Variants in NECAP2 observed in about 807,000 individuals in gnomAD.
NECAP2 encodes the protein NECAP endocytosis associated 2, also known as adaptin ear-binding coat-associated protein 2.
Under a neutral mutation model 37.8 loss-of-function variants are expected in NECAP2, and 38 were observed. The ratio of observed to expected loss-of-function variants is 1.01; its 90% CI spans 0.78 to 1.32. The LOEUF (loss-of-function observed/expected upper bound fraction) is 1.32, where lower values mean the gene tolerates loss of function less well. Ranked by LOEUF, NECAP2 falls within the 40% of genes most tolerant of loss-of-function variation. The probability of loss-of-function intolerance (pLI) is 0.00; values close to 1 mark genes in which losing one functional copy is unlikely to be tolerated. For synonymous variants in NECAP2, 121 were observed against 127.7 expected, an observed-to-expected ratio of 0.95 and a Z score of 0.35; for missense variants, 316 against 334.5, an observed-to-expected ratio of 0.94 and a Z score of 0.43.
At position 16,448,065 on chromosome 1, in the gene NECAP2, CG is replaced by C. The variant is rs1268927117; in HGVS notation, c.307del (p.Ala103ArgfsTer27). The C allele has an allele frequency of 6.2e-7, 1 of 1,614,022 alleles. No homozygotes were observed. The highest frequency in any genetic ancestry group is 8.5e-7 in the Non-Finnish European group (1 of 1,180,022). ...GATCATGTGTTGTTCCCCAGGGCGA[CG>C]GGCGTTTATTGGAATTGGCTTCGGG... ...VIRIEDGNGR[R>X]AFIGIGFGDR... On this transcript the variant is annotated frameshift_variant, in exon 4 of 8. Transcript: ENST00000337132. LOFTEE classifies it high-confidence loss of function.
At chr1:16,452,774 C>G (rs1345546533) in intron 6 of NECAP2, among the ~76,000 whole-genome samples, 1 of 152,034 alleles carries the variant, frequency 6.6e-6, no homozygotes, top group African/African-American at 2.4e-5. Flanking sequence ...CGCGCCCCCC[C>G]CGCCCGCCGC....
chr1:16,457,716 T>TG (rs1220308991), intron 7 of NECAP2, among the ~76,000 whole-genome samples: 1 of 149,386 alleles, frequency 6.7e-6, no homozygotes, highest in Admixed American at 6.6e-5. Flanking sequence ...TGTTTTTTTT[T>TG]TTTTTTTTTT....
At chr1:16,443,757 A>G (rs775419169) in intron 2 of NECAP2, 25 bp downstream of exon 2, 4 of 1,572,582 alleles carry the variant, frequency 2.5e-6, no homozygotes, top group South Asian at 1.1e-5. Flanking sequence ...GGCTGCATCA[A>G]GCTGAGGGGC....
chr1:16,448,959 T>G, intron 4 of NECAP2, 134 bp from the exon 5 acceptor site: 2 of 624,494 alleles, frequency 3.2e-6, no homozygotes, highest in Non-Finnish European at 5.7e-6. Flanking sequence ...CTCCCAAGCC[T>G]GCACTCTTTC....
chr1:16,446,200 C>T (rs747626566), intron 2 of NECAP2, among the ~76,000 whole-genome samples: 4 of 152,192 alleles, frequency 2.6e-5, no homozygotes, highest in Admixed American at 6.5e-5. Context: ...AAGAGTGAAA[C>T]TCCGTCTTGG....
chr1:16,452,095 C>A, intron 6 of NECAP2, 80 bp downstream of exon 6: 1 of 1,378,480 alleles, frequency 7.3e-7, no homozygotes, highest in South Asian at 1.4e-5. Flanking sequence ...ATGGTTTCCC[C>A]CCCGTTACAC....
intron 7 of NECAP2, among the ~76,000 whole-genome samples, chr1:16,457,274 G>T (rs2086934842): frequency 6.6e-6 from 1 of 152,078 alleles, no homozygotes; most frequent in African/African-American, 2.4e-5. Flanking sequence ...TGGCCAACAT[G>T]GTCAAACCCC....
intron 5 of NECAP2, chr1:16,449,692 CTG>C (rs2086813262): frequency 5.8e-6 from 1 of 173,432 alleles, no homozygotes; most frequent in Non-Finnish European, 1.2e-5. Flanking sequence ...TCATCCCAGG[CTG>C]TGTCTTGAAT....
At chr1:16,446,168 G>A (rs368595031) in intron 2 of NECAP2, among the ~76,000 whole-genome samples, 4 of 152,156 alleles carry the variant, frequency 2.6e-5, no homozygotes, top group African/African-American at 9.7e-5. Flanking sequence ...AGATCGTGCC[G>A]TTGCACTTCA....
rs990054654 is a variant in NECAP2, at chr1:16,460,061, A to G, written c.*1171A>G. 3 of 152,204 alleles carry G rather than the reference A, an allele frequency of 2.0e-5. No individual in the cohort carries two copies. Among genetic ancestry groups the G allele is most frequent in the Non-Finnish European group, 2.9e-5 (2 of 68,036 alleles). The allele number at this position is 152,204 out of a possible 1,614,324, so 9.4% of individuals were successfully genotyped here. On this transcript the variant is annotated 3_prime_UTR_variant, in exon 8 of 8. Coordinates refer to ENST00000337132, the MANE Select transcript of NECAP2 (RefSeq NM_018090.5). The stretch of plus-strand genomic sequence containing the variant: ...GGACCAGATTTTTAAGATAAAATAA[A>G]TATTTTTACTTCTGTCATTGTATGT...
At chr1:16,446,123 G>A (rs564807035) in intron 2 of NECAP2, among the ~76,000 whole-genome samples, 1 of 152,074 alleles carries the variant, frequency 6.6e-6, no homozygotes, top group African/African-American at 2.4e-5. Context: ...CAGGAGAATC[G>A]CTTGAACCTG....
rs1275872447 is a variant in NECAP2 at position 16,441,979 on chromosome 1, C to CT, written c.92+1142dup. Among the ~76,000 whole-genome samples the CT allele has an allele frequency of 4.2e-3, 577 of 136,524 alleles. 2 individuals are homozygous for CT. The highest frequency in any genetic ancestry group is 8.7e-3 in the East Asian group (42 of 4,806). The allele number at this position is 136,524 out of a possible 152,430, so 89.6% of individuals were successfully genotyped here. Reference sequence around the variant, plus strand: ...CGTCTAGCCCCATCTCCTGTTGGGTCTTTTTTTTTTTTTTTTGAGACAGAG... The same window carrying CT: ...CGTCTAGCCCCATCTCCTGTTGGGTCTTTTTTTTTTTTTTTTTGAGACAGAG... On this transcript the variant is annotated intron_variant, in intron 1 of 7. Transcript: ENST00000337132.
rs181647206 is a variant in NECAP2, at chr1:16,451,880, C to T, written c.532C>T (p.Arg178Trp). ...KEGAAGNPRV[R>W]PASTGGLSLL... ...AGGAGCAGCTGGGAATCCCCGAGTC[C>T]GGCCTGCCAGCACAGGAGGGCTGAG... Residue 178 changes from arginine (R) to tryptophan (W), a missense_variant, in exon 6 of 8, where the codon CGG becomes TGG. This residue lies in a region of NECAP2 where 204 missense variants were observed against 188.6 expected (regional missense o/e 1.08). Transcript: ENST00000337132. 3.1e-5 allele frequency: 50 copies of T among 1,614,080 alleles called. No individual in the cohort carries two copies. Among genetic ancestry groups the T allele is most frequent in the East Asian group, 2.2e-4 (10 of 44,862 alleles).
intron 4 of NECAP2, chr1:16,448,455 A>C: frequency 2.6e-6 from 1 of 383,792 alleles, no homozygotes; most frequent in Non-Finnish European, 4.8e-6. Context: ...CATGTAATCA[A>C]TGGCGCTTGG....
chr1:16,458,659 T>TAA (rs77249943), intron 7 of NECAP2, among the ~76,000 whole-genome samples, 183 bp from the exon 8 acceptor site: 1 of 145,092 alleles, frequency 6.9e-6, no homozygotes, highest in Non-Finnish European at 1.5e-5. Flanking sequence ...ATTAACTATT[T>TAA]AAAAAAAAAA....
At chr1:16,457,317 G>A (rs1452400180) in intron 7 of NECAP2, among the ~76,000 whole-genome samples, 2 of 152,068 alleles carry the variant, frequency 1.3e-5, no homozygotes, top group Non-Finnish European at 2.9e-5. Flanking sequence ...TTAGTTGGGC[G>A]TGGTGGGGTG....
Position 16,455,850 on chromosome 1 carries a change from C to T in NECAP2, c.700C>T (p.Pro234Ser), listed in dbSNP as rs1344116779. The T allele has an allele frequency of 3.1e-6, 5 of 1,614,136 alleles. No homozygotes were observed. Among genetic ancestry groups the T allele is most frequent in the Admixed American group, 3.3e-5 (2 of 60,026 alleles). ...GAPVPWPQPN[P>S]ATADIWGDFT... ...TCCTGTACCCTGGCCACAGCCCAATCCTGCCACTGCTGACATCTGGGGAGA... is the reference window on the plus strand; with the variant it reads ...TCCTGTACCCTGGCCACAGCCCAATTCTGCCACTGCTGACATCTGGGGAGA... Residue 234 changes from proline to serine, a missense_variant, in exon 7 of 8, where the codon CCT (proline) becomes TCT (serine). Physicochemically the swap from Pro to Ser is moderately conservative, Grantham distance 74 (BLOSUM62 -1). Around this residue, in one of 3 missense-constraint regions of NECAP2, gnomAD observed 204 missense variants for 188.6 expected, o/e 1.08. Coordinates refer to ENST00000337132, the MANE Select transcript of NECAP2 (RefSeq NM_018090.5).
intron 1 of NECAP2, among the ~76,000 whole-genome samples, chr1:16,443,206 G>C (rs1290868257): frequency 6.6e-6 from 1 of 152,228 alleles, no homozygotes; most frequent in Non-Finnish European, 1.5e-5. Flanking sequence ...CTGTGGTCTA[G>C]AGAGGGGGTC....
intron 2 of NECAP2, among the ~76,000 whole-genome samples, chr1:16,446,899 A>C (rs2086771460): frequency 6.6e-6 from 1 of 151,992 alleles, no homozygotes; most frequent in Non-Finnish European, 1.5e-5. Context: ...GTCTCTACTA[A>C]AAATACAAAA....
Sources: gnomAD v4.1 joint callset for allele counts (sites outside exome capture counted in the v4.1 genomes callset) on GRCh38, gnomAD v4.1.1 for gene constraint, gnomAD v4.1.1 regional missense constraint, MANE v1.5 for transcripts, NCBI Gene and HGNC (gene_info 2026-07-23, HGNC 2026-07-21) for gene names.